TMEM131L: variants seen among roughly 807,000 people sequenced by gnomAD.
The protein encoded by TMEM131L is transmembrane protein 131-like.
TMEM131L carries 54 observed loss-of-function variants against 192.2 expected under a neutral mutation model. The observed-to-expected ratio is 0.28, with a 90% CI of 0.23 to 0.35. The LOEUF is 0.35. Among genes scored for constraint, TMEM131L ranks in the 10% least tolerant of loss-of-function variants. The pLI is 1.00. For missense variants in TMEM131L, 1,888 were observed against 1,972.9 expected, an observed-to-expected ratio of 0.96 and a Z score of 0.82; for synonymous variants, 701 against 704.9, an observed-to-expected ratio of 0.99 and a Z score of 0.09.
chr4:153,533,621 C>T (rs896306291), intron 3 of TMEM131L, among the ~76,000 whole-genome samples: 4 of 152,172 alleles, frequency 2.6e-5, no homozygotes, highest in Non-Finnish European at 4.4e-5. Context: ...GTGCTACTTT[C>T]TAAAAGATTC....
At chr4:153,505,882 G>T (rs1733951110) in intron 3 of TMEM131L, among the ~76,000 whole-genome samples, 1 of 152,006 alleles carries the variant, frequency 6.6e-6, no homozygotes, top group Non-Finnish European at 1.5e-5. Flanking sequence ...GTGTGCCCAG[G>T]GTGTGGTGAG....
At chr4:153,467,159 C>T (rs1467212680) in intron 1 of TMEM131L, 52 bp from the exon 2 acceptor site, 2 of 1,509,922 alleles carry the variant, frequency 1.3e-6, no homozygotes, top group Non-Finnish European at 1.8e-6. Context: ...AAACAGGAAG[C>T]GTTTCTTTAG....
chr4:153,611,833 T>C (rs1249905567), intron 25 of TMEM131L, among the ~76,000 whole-genome samples: 2 of 152,232 alleles, frequency 1.3e-5, no homozygotes, highest in African/African-American at 2.4e-5. Context: ...AAAACCATCT[T>C]GACCATCTTA....
chr4:153,627,655 C>T lies in TMEM131L; in HGVS notation c.4175C>T (p.Pro1392Leu), dbSNP rs1272686955. Reference protein sequence around the residue: ...QYAEPSCPSLPAGPTGVEEDK... With the variant: ...QYAEPSCPSLLAGPTGVEEDK... ...GCAGAGCCTTCCTGTCCCAGCCTTC[C>T]TGCCGGGCCCACAGGTGTTGAAGAA... Residue 1392 changes from proline (P) to leucine (L), a missense_variant, in exon 31 of 35, where the codon CCT (proline) becomes CTT (leucine). Coordinates refer to ENST00000409959, the MANE Select transcript of TMEM131L (RefSeq NM_001131007.2). The T allele has an allele frequency of 6.2e-7, 1 of 1,614,110 alleles. No individual in the cohort carries two copies. The highest frequency in any genetic ancestry group is 1.7e-4 in the Middle Eastern group (1 of 6,060).
At chr4:153,470,177 C>T (rs1461823045) in intron 2 of TMEM131L, among the ~76,000 whole-genome samples, 2 of 152,052 alleles carry the variant, frequency 1.3e-5, no homozygotes, top group African/African-American at 4.8e-5. Flanking sequence ...CTTTTTAGCT[C>T]CATAAATTCA....
chr4:153,536,201 A>G (rs1736308287), intron 3 of TMEM131L, among the ~76,000 whole-genome samples: 1 of 152,184 alleles, frequency 6.6e-6, no homozygotes, highest in Non-Finnish European at 1.5e-5. Context: ...GGGGGGGTTA[A>G]CAAGCTGCTG....
intron 3 of TMEM131L, among the ~76,000 whole-genome samples, chr4:153,510,630 C>T (rs575011366): frequency 8.5e-5 from 13 of 152,246 alleles, no homozygotes; most frequent in African/African-American, 2.6e-4. Context: ...GTAATCCAAG[C>T]GCTTTGGAAG....
intron 7 of TMEM131L, among the ~76,000 whole-genome samples, chr4:153,579,410 A>AT (rs1730184870): frequency 6.6e-6 from 1 of 152,226 alleles, no homozygotes. Context: ...ATACTAGCAG[A>AT]TATGAACAAT....
chr4:153,595,090 T>G (rs1320987957), intron 19 of TMEM131L, among the ~76,000 whole-genome samples: 1 of 152,184 alleles, frequency 6.6e-6, no homozygotes, highest in Non-Finnish European at 1.5e-5. Flanking sequence ...TAAGAGAAAT[T>G]ATTACTATTG....
intron 3 of TMEM131L, among the ~76,000 whole-genome samples, chr4:153,525,325 G>A (rs1735392292): frequency 6.6e-6 from 1 of 152,164 alleles, no homozygotes; most frequent in African/African-American, 2.4e-5. Context: ...AGCCTCATAA[G>A]TAAATCCTTT....
At chr4:153,525,917 C>T (rs1015779826) in intron 3 of TMEM131L, among the ~76,000 whole-genome samples, 18 of 151,764 alleles carry the variant, frequency 1.2e-4, no homozygotes, top group African/African-American at 3.4e-4. Context: ...AGTGAGTTGG[C>T]ACGATCTCGG....
chr4:153,622,710 G>A (rs1733522205), intron 28 of TMEM131L, among the ~76,000 whole-genome samples, 188 bp from the exon 29 acceptor site: 1 of 152,140 alleles, frequency 6.6e-6, no homozygotes. Flanking sequence ...CAGAGTAGAC[G>A]GCCCATCCCC....
chr4:153,563,789 G>A (rs139530044), intron 7 of TMEM131L, among the ~76,000 whole-genome samples: 3 of 152,174 alleles, frequency 2.0e-5, no homozygotes, highest in African/African-American at 7.2e-5. Flanking sequence ...TTTGTGTGCA[G>A]CGTTGTGATA....
intron 7 of TMEM131L, chr4:153,558,835 C>T (rs141359791): frequency 1.0e-3 from 158 of 152,460 alleles, no homozygotes; most frequent in South Asian, 8.1e-3. Context: ...TAGCCCTGCC[C>T]GGATGGGGCT....
chr4:153,552,408 T>C (rs939617065), intron 4 of TMEM131L, among the ~76,000 whole-genome samples: 1 of 152,140 alleles, frequency 6.6e-6, no homozygotes, highest in African/African-American at 2.4e-5. Context: ...TCGATGCACA[T>C]GGGGGTATGT....
intron 16 of TMEM131L, among the ~76,000 whole-genome samples, chr4:153,589,270 G>C (rs2150816017): frequency 6.6e-6 from 1 of 152,060 alleles, no homozygotes; most frequent in African/African-American, 2.4e-5. Flanking sequence ...CACCTTTTTG[G>C]GTAAAAGGAA....
At chr4:153,622,825 T>C (rs529236534) in intron 28 of TMEM131L, 73 bp from the exon 29 acceptor site, 16 of 1,486,140 alleles carry the variant, frequency 1.1e-5, no homozygotes, top group South Asian at 1.0e-4. Flanking sequence ...TCCTGTCACC[T>C]CTCTCTTTCT....
chr4:153,593,676 G>A (rs1731226108), intron 18 of TMEM131L, 123 bp from the exon 19 acceptor site: 1 of 650,282 alleles, frequency 1.5e-6, no homozygotes, highest in Non-Finnish European at 2.8e-6. Flanking sequence ...GATGAATTTT[G>A]TGTGTATGTG....
At position 153,604,393 on chromosome 4, in the gene TMEM131L, C is replaced by T; in HGVS notation, c.3381C>T (p.His1127=). The change falls in exon 25 of 35, where the codon CAC becomes CAT. Residue 1127 remains histidine, a synonymous_variant. Transcript: ENST00000409959. The stretch of plus-strand genomic sequence containing the variant: ...TACCAAGAAACTCACCTCAGTACCA[C>T]CAGCCAGACTTGCCAGAAATTTCCA... ...NHLPRNSPQY[H]QPDLPEISRK... 1 of 1,603,504 alleles carries T rather than the reference C, an allele frequency of 6.2e-7. No individual in the cohort carries two copies. Among genetic ancestry groups the T allele is most frequent in the Non-Finnish European group, 8.5e-7 (1 of 1,176,718 alleles).
Sources: allele counts gnomAD v4.1 joint callset (sites outside exome capture counted in the v4.1 genomes callset), GRCh38; gene constraint gnomAD v4.1.1; transcripts MANE v1.5; gene names NCBI Gene and HGNC (gene_info 2026-07-23, HGNC 2026-07-21).